TRIP4: variants seen among roughly 807,000 people sequenced by gnomAD.
TRIP4 encodes the protein activating signal cointegrator 1.
A neutral mutation model predicts 81.8 loss-of-function variants in TRIP4; 54 were observed. The ratio of observed to expected loss-of-function variants is 0.66; its 90% CI spans 0.53 to 0.83. The LOEUF (loss-of-function observed/expected upper bound fraction) is 0.83. Among genes scored for constraint, TRIP4 ranks in the 40% least tolerant of loss-of-function variants. The pLI is 0.00. For synonymous variants in TRIP4, 270 were observed against 242.8 expected (o/e 1.11, Z -1.04); for missense variants, 662 against 683.6 (o/e 0.97, Z 0.35).
At chr15:64,405,546 T>C (rs774726017) in intron 5 of TRIP4, among the ~76,000 whole-genome samples, 51 of 152,356 alleles carry the variant, frequency 3.3e-4, no homozygotes, top group Non-Finnish European at 5.4e-4. Context: ...TAATACAAAC[T>C]GTCTTACAGG....
intron 12 of TRIP4, among the ~76,000 whole-genome samples, chr15:64,454,115 G>GTT (rs1022531583): frequency 5.8e-5 from 8 of 137,430 alleles, no homozygotes; most frequent in Admixed American, 2.9e-4. Context: ...AAGACTCCTT[G>GTT]TTTTTTTTTT....
At chr15:64,390,190 A>C (rs1236073006) in intron 1 of TRIP4, among the ~76,000 whole-genome samples, 1 of 150,232 alleles carries the variant, frequency 6.7e-6, no homozygotes. Flanking sequence ...GGCCAGGCGC[A>C]GTGGTTCATG....
chr15:64,404,116 G>A (rs1235627370), intron 5 of TRIP4, among the ~76,000 whole-genome samples: 1 of 151,922 alleles, frequency 6.6e-6, no homozygotes, highest in Non-Finnish European at 1.5e-5. Context: ...CTTGAACCCC[G>A]GAGGCGGAGG....
At position 64,389,340 on chromosome 15, in the gene TRIP4, A is replaced by AT. The variant is rs561750301; in HGVS notation, c.101+1383dup. ...CAGTTCAAGTAGGTTATTTTAATGG[A>AT]TTTTTTTGAGGCCCTAGGAGATGGC... On this transcript the variant is annotated intron_variant, in intron 1 of 12. Transcript: ENST00000261884. Among the ~76,000 whole-genome samples the AT allele has an allele frequency of 3.0e-4, 45 of 152,154 alleles. 1 individual carries two copies. Among genetic ancestry groups the AT allele is most frequent in the Middle Eastern group, 6.8e-3 (2 of 294 alleles).
At chr15:64,454,849 G>T (rs1181841806) in intron 12 of TRIP4, 148 bp from the exon 13 acceptor site, 2 of 662,768 alleles carry the variant, frequency 3.0e-6, no homozygotes, top group Non-Finnish European at 5.3e-6. Flanking sequence ...CTTACAGAAT[G>T]AAACTCTGAA....
intron 12 of TRIP4, among the ~76,000 whole-genome samples, chr15:64,449,533 A>G (rs1395523364): frequency 6.6e-6 from 1 of 151,596 alleles, no homozygotes; most frequent in African/African-American, 2.4e-5. Flanking sequence ...CAGACTTGCA[A>G]ATAAACTTTC....
intron 5 of TRIP4, among the ~76,000 whole-genome samples, chr15:64,403,487 A>G (rs1211695433): frequency 2.0e-5 from 3 of 152,166 alleles, no homozygotes; most frequent in South Asian, 2.1e-4. Flanking sequence ...AAGAAAAACA[A>G]TATACTCATT....
chr15:64,401,372 T>A (rs1025808789), intron 5 of TRIP4, among the ~76,000 whole-genome samples: 1 of 152,118 alleles, frequency 6.6e-6, no homozygotes, highest in Non-Finnish European at 1.5e-5. Flanking sequence ...CCTGACCTCA[T>A]GATCTGCCCA....
chr15:64,407,389 C>T lies in TRIP4; in HGVS notation c.827+930C>T, dbSNP rs150038889. Among the ~76,000 whole-genome samples, 136 of 152,236 alleles carry T rather than the reference C, an allele frequency of 8.9e-4. 1 individual carries two copies. In the East Asian group the frequency reaches 0.02, roughly 22 times the overall value. On this transcript the variant is annotated intron_variant, in intron 6 of 12. Coordinates refer to ENST00000261884, the MANE Select transcript of TRIP4 (RefSeq NM_016213.5). ...TATTATTAGAAATAGAAATGGAAGC[C>T]GGGCACGGTGGCTCACACCTGTAAT...
chr15:64,418,491 C>G (rs762434687), intron 8 of TRIP4, 50 bp from the exon 9 acceptor site: 2 of 1,513,272 alleles, frequency 1.3e-6, no homozygotes, highest in Non-Finnish European at 1.8e-6. Context: ...TCTACCTACC[C>G]CAGATTCTTG....
chr15:64,451,365 G>A (rs981079363), intron 12 of TRIP4, among the ~76,000 whole-genome samples: 1 of 150,766 alleles, frequency 6.6e-6, no homozygotes, highest in Non-Finnish European at 1.5e-5. Flanking sequence ...TGCTTGCCTT[G>A]GCCTCCGAAA....
chr15:64,418,256 C>T (rs1891929718), intron 8 of TRIP4, among the ~76,000 whole-genome samples: 1 of 152,096 alleles, frequency 6.6e-6, no homozygotes, highest in Non-Finnish European at 1.5e-5. Context: ...GGATTATAGG[C>T]ACCTGCCACC....
At chr15:64,416,944 T>C (rs926205745) in intron 8 of TRIP4, among the ~76,000 whole-genome samples, 1 of 152,220 alleles carries the variant, frequency 6.6e-6, no homozygotes, top group Non-Finnish European at 1.5e-5. Flanking sequence ...CTGAAATCTT[T>C]AGGGGTTAAA....
chr15:64,425,713 T>C, intron 11 of TRIP4, 82 bp downstream of exon 11: 4 of 1,090,286 alleles, frequency 3.7e-6, no homozygotes, highest in Non-Finnish European at 5.3e-6. Context: ...TTTAAGAGGC[T>C]GGGCCTCTTA....
chr15:64,425,558 A>C lies in TRIP4; in HGVS notation c.1502A>C (p.Asp501Ala). ...GATTCAGATGTGGAATTTCCTAATG[A>C]CTATCCGTCAGGTTGTCTTCTGGGC... ...LRGKDVEFPNDYPSGCLLGCV... is the reference protein window; with the variant it reads ...LRGKDVEFPNAYPSGCLLGCV... Residue 501 changes from aspartate to alanine, a missense_variant, in exon 11 of 13, where the codon GAC becomes GCC. Physicochemically the swap from Asp to Ala is moderately radical, Grantham distance 126. Coordinates refer to ENST00000261884, the MANE Select transcript of TRIP4 (RefSeq NM_016213.5). 2 of 1,610,022 alleles carry C rather than the reference A, an allele frequency of 1.2e-6. No homozygotes were observed. The highest frequency in any genetic ancestry group is 1.7e-6 in the Non-Finnish European group (2 of 1,178,886).
At chr15:64,432,633 C>T (rs139793187) in intron 11 of TRIP4, among the ~76,000 whole-genome samples, 20 of 148,540 alleles carry the variant, frequency 1.3e-4, no homozygotes, top group Middle Eastern at 3.8e-3. Flanking sequence ...TAAATACAGC[C>T]GGGCGTGGTG....
chr15:64,425,656 T>A (rs893746582), intron 11 of TRIP4, 25 bp downstream of exon 11: 1 of 1,582,814 alleles, frequency 6.3e-7, no homozygotes, highest in Non-Finnish European at 8.6e-7. Context: ...CTTTTTTTTT[T>A]TAGAGACAGG....
At chr15:64,423,643 G>A (rs1438202441) in intron 9 of TRIP4, among the ~76,000 whole-genome samples, 1 of 152,112 alleles carries the variant, frequency 6.6e-6, no homozygotes, top group Non-Finnish European at 1.5e-5. Flanking sequence ...TCTAGGGAAA[G>A]GTTAGCCTTT....
At chr15:64,442,574 C>T (rs576183465) in intron 11 of TRIP4, among the ~76,000 whole-genome samples, 3 of 150,730 alleles carry the variant, frequency 2.0e-5, no homozygotes, top group African/African-American at 4.9e-5. Flanking sequence ...TGTGAGCCAC[C>T]GCACCTAGCC....
Sources: gnomAD v4.1 joint callset for allele counts (sites outside exome capture counted in the v4.1 genomes callset) on GRCh38, gnomAD v4.1.1 for gene constraint, MANE v1.5 for transcripts, NCBI Gene and HGNC (gene_info 2026-07-23, HGNC 2026-07-21) for gene names.